Variants in TMEM26 observed in about 807,000 individuals in gnomAD.
The protein encoded by TMEM26 is transmembrane protein 26.
Under a neutral mutation model 28.8 loss-of-function variants are expected in TMEM26, and 38 were observed. That is an observed-to-expected ratio of 1.32 (90% CI 1.02 to 1.73). The LOEUF (loss-of-function observed/expected upper bound fraction) is 1.73. TMEM26 is among the 40% of genes most tolerant of loss of function. TMEM26 has a pLI of 0.00. For missense variants in TMEM26, 518 were observed against 447.1 expected (o/e 1.16, Z -1.43); for synonymous variants, 227 against 182.9 (o/e 1.24, Z -1.95).
At chr10:61,414,728 AAC>A (rs1411322424) in intron 4 of TMEM26, 6 of 152,370 alleles carry the variant, frequency 3.9e-5, no homozygotes, top group African/African-American at 1.2e-4. Context: ...CTTTTAGAAG[AAC>A]ACAGTTATTA....
At chr10:61,417,268 T>C (rs1260937544) in intron 4 of TMEM26, among the ~76,000 whole-genome samples, 4 of 152,016 alleles carry the variant, frequency 2.6e-5, no homozygotes, top group Admixed American at 2.0e-4. Context: ...GGAAGTTTAA[T>C]TATTGACATT....
chr10:61,412,446 G>T (rs1839582547), intron 5 of TMEM26, among the ~76,000 whole-genome samples: 1 of 152,136 alleles, frequency 6.6e-6, no homozygotes, highest in Non-Finnish European at 1.5e-5. Flanking sequence ...TGGAGAAAAA[G>T]TTAAATATCT....
At chr10:61,429,443 G>A (rs533648584) in intron 3 of TMEM26, among the ~76,000 whole-genome samples, 1 of 152,048 alleles carries the variant, frequency 6.6e-6, no homozygotes, top group East Asian at 1.9e-4. Context: ...ATGTTTTAAT[G>A]TCTCATTTTA....
chr10:61,419,735 A>C (rs547728681), intron 4 of TMEM26, among the ~76,000 whole-genome samples: 1 of 152,240 alleles, frequency 6.6e-6, no homozygotes, highest in Non-Finnish European at 1.5e-5. Context: ...AAGACCCAGA[A>C]GAAGAAAGAT....
At chr10:61,412,263 T>C (rs996717503) in intron 5 of TMEM26, among the ~76,000 whole-genome samples, 2 of 152,118 alleles carry the variant, frequency 1.3e-5, no homozygotes, top group Non-Finnish European at 2.9e-5. Context: ...TGTGTGTGTG[T>C]GTGTTAGCAT....
In TMEM26 at chr10:61,408,985, C is replaced by A. The variant is rs141690612; in HGVS notation, c.*1337G>T. ...AGTCATACCAAATTAAGGGCATACCCCACCTTAAATGTCCCTTTGAATTCT... is the reference window on the plus strand; with the variant it reads ...AGTCATACCAAATTAAGGGCATACCACACCTTAAATGTCCCTTTGAATTCT... On this transcript the variant is annotated 3_prime_UTR_variant, in exon 6 of 6. Transcript: ENST00000399298. The A allele has an allele frequency of 3.3e-5, 5 of 152,170 alleles. No individual in the cohort carries two copies. Among genetic ancestry groups the A allele is most frequent in the Non-Finnish European group, 7.4e-5 (5 of 68,026 alleles). 9.4% of individuals were successfully genotyped at this position (152,170 alleles called of 1,614,324 possible).
At chr10:61,438,479 A>T (rs929609559) in intron 1 of TMEM26, among the ~76,000 whole-genome samples, 3 of 152,174 alleles carry the variant, frequency 2.0e-5, no homozygotes, top group African/African-American at 7.2e-5. Context: ...TCTTGGGATT[A>T]ATTTTGAGAC....
intron 5 of TMEM26, chr10:61,412,842 G>A (rs1839589266): frequency 6.2e-6 from 5 of 805,964 alleles, no homozygotes; most frequent in Non-Finnish European, 8.9e-6. Flanking sequence ...TGCAGCCCTA[G>A]ATTATTGCTA....
intron 5 of TMEM26, chr10:61,412,906 T>A (rs769912692): frequency 7.8e-7 from 1 of 1,283,496 alleles, no homozygotes; most frequent in Non-Finnish European, 1.0e-6. Context: ...GGGGTTTATG[T>A]TTTTATTAAA....
chr10:61,451,447 C>G (rs952252603), intron 1 of TMEM26, among the ~76,000 whole-genome samples: 1 of 152,116 alleles, frequency 6.6e-6, no homozygotes, highest in Non-Finnish European at 1.5e-5. Flanking sequence ...TTTCTGTGAC[C>G]AAAGATATTT....
intron 4 of TMEM26, among the ~76,000 whole-genome samples, chr10:61,419,679 C>T (rs1406359050): frequency 2.0e-5 from 3 of 151,916 alleles, no homozygotes; most frequent in Non-Finnish European, 4.4e-5. Context: ...AACAGCAGAG[C>T]TTCAGAGACC....
chr10:61,449,384 G>A (rs1564485835), intron 1 of TMEM26, among the ~76,000 whole-genome samples: 1 of 152,304 alleles, frequency 6.6e-6, no homozygotes, highest in East Asian at 1.9e-4. Context: ...CGAGTTACTA[G>A]TGTTGATGTA....
Position 61,453,247 on chromosome 10 carries a change from G to A in TMEM26, c.-166C>T. Reference sequence around the variant, plus strand: ...CCGATGCCGGTAGAACTGGTGCGCGGCTCGCCCCTCCCCCAAACTTCCTGA... The same window carrying A: ...CCGATGCCGGTAGAACTGGTGCGCGACTCGCCCCTCCCCCAAACTTCCTGA... On this transcript the variant is annotated 5_prime_UTR_variant, in exon 1 of 6. Transcript: ENST00000399298. 1 of 687,960 alleles carries A rather than the reference G, an allele frequency of 1.5e-6. No individual in the cohort carries two copies. The highest frequency in any genetic ancestry group is 2.4e-6 in the Non-Finnish European group (1 of 417,878). The allele number at this position is 687,960 out of a possible 1,614,324, so 42.6% of individuals were successfully genotyped here.
chr10:61,429,282 G>C, intron 3 of TMEM26, 136 bp from the exon 4 acceptor site: 1 of 697,120 alleles, frequency 1.4e-6, no homozygotes, highest in Middle Eastern at 4.1e-4. Flanking sequence ...ACTTACTAAA[G>C]AAAGTAAAAT....
At chr10:61,415,961 T>C in intron 4 of TMEM26, 1 of 367,442 alleles carries the variant, frequency 2.7e-6, no homozygotes, top group Non-Finnish European at 5.4e-6. Context: ...TTCTTTTGAC[T>C]TGAGATGGCC....
chr10:61,452,757 C>A (rs1840310037), intron 1 of TMEM26, 134 bp downstream of exon 1: 4 of 1,186,196 alleles, frequency 3.4e-6, no homozygotes, highest in African/African-American at 3.1e-5. Context: ...CTCGCGCCTT[C>A]CAAGCGATCA....
At chr10:61,444,454 C>T (rs895445375) in intron 1 of TMEM26, among the ~76,000 whole-genome samples, 1 of 151,906 alleles carries the variant, frequency 6.6e-6, no homozygotes, top group Non-Finnish European at 1.5e-5. Context: ...TTCTTTAGGA[C>T]GAAAGTTAAA....
At chr10:61,419,993 T>C (rs1839717046) in intron 4 of TMEM26, among the ~76,000 whole-genome samples, 1 of 151,944 alleles carries the variant, frequency 6.6e-6, no homozygotes, top group South Asian at 2.1e-4. Context: ...AAAGTGGGGG[T>C]TAGTTAAGGG....
chr10:61,419,875 A>G (rs1483748002), intron 4 of TMEM26, among the ~76,000 whole-genome samples: 2 of 152,180 alleles, frequency 1.3e-5, no homozygotes, highest in Non-Finnish European at 2.9e-5. Context: ...ACTTAGACAC[A>G]TCTCAGCTAC....
Sources: allele counts gnomAD v4.1 joint callset (sites outside exome capture counted in the v4.1 genomes callset), GRCh38; gene constraint gnomAD v4.1.1; transcripts MANE v1.5; gene names NCBI Gene and HGNC (gene_info 2026-07-23, HGNC 2026-07-21).